The following AMMECR1 variants were observed in gnomAD, a reference collection of about 807,000 sequenced individuals.
AMMECR1 encodes AMMECR nuclear protein 1.
A neutral mutation model predicts 22.5 loss-of-function variants in AMMECR1; 3 were observed. The observed-to-expected ratio is 0.13, with a 90% CI of 0.06 to 0.35. AMMECR1 has a LOEUF of 0.35. Among genes scored for constraint, AMMECR1 ranks in the 10% least tolerant of loss-of-function variants. The probability of loss-of-function intolerance (pLI) is 1.00; values close to 1 mark genes in which losing one functional copy is unlikely to be tolerated. For missense variants in AMMECR1, 235 were observed against 278.7 expected, an observed-to-expected ratio of 0.84 and a Z score of 1.12; for synonymous variants, 130 against 116.7, an observed-to-expected ratio of 1.11 and a Z score of -0.74.
intron 1 of AMMECR1, among the ~76,000 whole-genome samples, chrX:110,291,244 C>T (rs2067906688): frequency 2.7e-5 from 3 of 111,361 alleles, no homozygotes; most frequent in South Asian, 3.8e-4. Flanking sequence ...AAATACAAGC[C>T]GGGCGTGGTG....
intron 1 of AMMECR1, among the ~76,000 whole-genome samples, chrX:110,437,345 C>T (rs2068846206): frequency 8.9e-6 from 1 of 112,214 alleles, no homozygotes; most frequent in Non-Finnish European, 1.9e-5. Flanking sequence ...TTCCTTTGTA[C>T]TGGACACTGT....
At chrX:110,270,212 C>G (rs1308231959) in intron 1 of AMMECR1, among the ~76,000 whole-genome samples, 2 of 111,636 alleles carry the variant, frequency 1.8e-5, no homozygotes, top group Non-Finnish European at 3.8e-5. Context: ...AGGGCTTGGA[C>G]ATAGGAATGT....
intron 1 of AMMECR1, among the ~76,000 whole-genome samples, chrX:110,267,960 G>A (rs2067778514): frequency 2.7e-5 from 3 of 112,114 alleles, no homozygotes; most frequent in Non-Finnish European, 5.6e-5. Flanking sequence ...TTAATTCAGA[G>A]CTTAAGTTGC....
intron 2 of AMMECR1, among the ~76,000 whole-genome samples, chrX:110,425,977 C>T (rs997900750): frequency 4.5e-5 from 5 of 110,161 alleles, no homozygotes; most frequent in Non-Finnish European, 7.5e-5. Context: ...TGCGTGCGTG[C>T]GCGCACACAC....
At chrX:110,411,698 G>T (rs762800039) in intron 2 of AMMECR1, among the ~76,000 whole-genome samples, 2 of 112,339 alleles carry the variant, frequency 1.8e-5, no homozygotes, top group East Asian at 5.6e-4. Context: ...CAACATAGAA[G>T]GAAGACAATG....
At chrX:110,359,325 G>A (rs1449920167) in intron 2 of AMMECR1, among the ~76,000 whole-genome samples, 1 of 111,132 alleles carries the variant, frequency 9.0e-6, no homozygotes, top group Admixed American at 9.6e-5. Flanking sequence ...ACCCTCTAAT[G>A]TTTTCTGCAG....
chrX:110,371,037 C>T (rs1330650574), intron 2 of AMMECR1, among the ~76,000 whole-genome samples: 1 of 111,497 alleles, frequency 9.0e-6, no homozygotes, highest in Non-Finnish European at 1.9e-5. Flanking sequence ...CAATATGGCT[C>T]TGTCTGTATA....
intron 2 of AMMECR1, among the ~76,000 whole-genome samples, chrX:110,380,205 C>T (rs1341754568): frequency 9.0e-6 from 1 of 111,619 alleles, no homozygotes; most frequent in Non-Finnish European, 1.9e-5. Flanking sequence ...ATTAAGGTTG[C>T]AAAATTGTGT....
intron 2 of AMMECR1, among the ~76,000 whole-genome samples, chrX:110,333,424 G>A (rs1424702805): frequency 2.7e-5 from 3 of 111,672 alleles, no homozygotes; most frequent in Non-Finnish European, 5.6e-5. Flanking sequence ...ACAGTGTGGC[G>A]ATTCCTGAAG....
Position 110,362,171 on chromosome X carries a change from G to C in AMMECR1, c.-147-44322C>G, listed in dbSNP as rs143266836. Among the ~76,000 whole-genome samples the C allele has an allele frequency of 8.0e-3, 900 of 111,921 alleles. 11 individuals carry two copies. The highest frequency in any genetic ancestry group is 0.027 in the African/African-American group (843 of 30,872). On this transcript the variant is annotated intron_variant, in intron 2 of 7. Transcript: ENST00000372057. Reference sequence around the variant, plus strand: ...TATATATATAACAGAGCCATTGATGGTGCAGAATCCTGAACAAAATCTAGC... The same window carrying C: ...TATATATATAACAGAGCCATTGATGCTGCAGAATCCTGAACAAAATCTAGC...
chrX:110,352,865 T>G (rs2068216257), intron 2 of AMMECR1, among the ~76,000 whole-genome samples: 1 of 112,200 alleles, frequency 8.9e-6, no homozygotes, highest in Non-Finnish European at 1.9e-5. Context: ...CCAACAAATA[T>G]TTATTGAACA....
At chrX:110,291,113 T>C (rs180732331) in intron 1 of AMMECR1, among the ~76,000 whole-genome samples, 204 of 111,432 alleles carry the variant, frequency 1.8e-3, no homozygotes, top group African/African-American at 5.5e-3. Context: ...TCTATGTAGA[T>C]TGATAATAGT....
chrX:110,321,135 T>A (rs1366238388), upstream of AMMECR1, among the ~76,000 whole-genome samples: 2 of 111,543 alleles, frequency 1.8e-5, no homozygotes, highest in Non-Finnish European at 3.8e-5. Context: ...GTGAAAAAAA[T>A]TTTTTTACAT....
rs1263904376 is a variant in AMMECR1, at chrX:110,377,996, G to A, written c.-148+48662C>T. On this transcript the variant is annotated intron_variant, in intron 2 of 7. Transcript: ENST00000372057. ...TGCACTCCAGCCTGGGCGACAGAGC[G>A]AGACTCCGTCTCAAAAAAAAAAAAA... 1.2e-4 allele frequency among the ~76,000 whole-genome samples: 9 copies of A among 77,960 alleles called. No individual in the cohort carries two copies. In the East Asian group the frequency reaches 2.7e-3, roughly 23 times the overall value. The allele number at this position is 77,960 out of a possible 115,157, so 67.7% of individuals were successfully genotyped here.
At chrX:110,225,519 G>A (rs1410130462) in intron 2 of AMMECR1, among the ~76,000 whole-genome samples, 1 of 112,243 alleles carries the variant, frequency 8.9e-6, no homozygotes, top group African/African-American at 3.2e-5. Flanking sequence ...AGAAACCACA[G>A]GATGAAGATT....
At chrX:110,331,441 T>G (rs1252333746) in intron 2 of AMMECR1, among the ~76,000 whole-genome samples, 1 of 109,646 alleles carries the variant, frequency 9.1e-6, no homozygotes, top group African/African-American at 3.3e-5. Flanking sequence ...ATTCCCTATT[T>G]TGGTTAATGG....
chrX:110,411,912 G>C (rs1425058670), intron 2 of AMMECR1, among the ~76,000 whole-genome samples: 1 of 112,228 alleles, frequency 8.9e-6, no homozygotes. Flanking sequence ...GCATACAGTA[G>C]GTACTCAATA....
rs1249219893 is a variant in AMMECR1 at position 110,426,802 on chromosome X, T to C, written c.-292A>G. On this transcript the variant is annotated splice_region_variant and 5_prime_UTR_variant, in exon 2 of 8. Transcript: ENST00000372057. ...TTAGGGTCAAGGTGAGGACTCATGG[T>C]GCTGAAAATAGGGATTGAGTGGACA... The C allele has an allele frequency of 2.7e-5, 3 of 111,955 alleles. No homozygotes were observed. The Admixed American group carries it at 2.8e-4, about 11-fold the overall frequency. 9.2% of individuals were successfully genotyped at this position (111,955 alleles called of 1,213,427 possible). A position where few individuals can be genotyped will look rare whatever the true frequency, so the allele number is the denominator to read the frequency against.
At chrX:110,424,762 G>T (rs1450579007) in intron 2 of AMMECR1, among the ~76,000 whole-genome samples, 1 of 111,774 alleles carries the variant, frequency 8.9e-6, no homozygotes, top group Non-Finnish European at 1.9e-5. Context: ...AAAGAGGCAG[G>T]CCTGGGTTAG....
Sources: gnomAD v4.1 joint callset for allele counts (sites outside exome capture counted in the v4.1 genomes callset) on GRCh38, gnomAD v4.1.1 for gene constraint, MANE v1.5 for transcripts, NCBI Gene and HGNC (gene_info 2026-07-23, HGNC 2026-07-21) for gene names.